Variants in BMPER observed in about 807,000 individuals in gnomAD.
The protein encoded by BMPER is BMP-binding endothelial regulator protein.
BMPER carries 45 observed loss-of-function variants against 87.3 expected under a neutral mutation model. The observed-to-expected ratio is 0.52, with a 90% CI of 0.41 to 0.66. BMPER has a LOEUF of 0.66. Among genes scored for constraint, BMPER ranks in the 30% least tolerant of loss-of-function variants. The pLI, the probability that BMPER is intolerant of heterozygous loss-of-function variation, is 0.00. For missense variants in BMPER, 784 were observed against 867.5 expected (o/e 0.90, Z 1.21); for synonymous variants, 326 against 316.2 (o/e 1.03, Z -0.33).
At chr7:33,940,001 C>G (rs1403915710) in intron 3 of BMPER, 1 of 275,386 alleles carries the variant, frequency 3.6e-6, no homozygotes. Context: ...CTCTTAAATA[C>G]TGGAGACTCC....
chr7:34,056,212 G>C (rs1788280226), intron 9 of BMPER, among the ~76,000 whole-genome samples: 2 of 152,270 alleles, frequency 1.3e-5, no homozygotes, highest in Admixed American at 1.3e-4. Flanking sequence ...CATGGGAGAG[G>C]AACAACACAC....
At chr7:34,049,722 T>C (rs1423874078) in intron 7 of BMPER, among the ~76,000 whole-genome samples, 2 of 152,096 alleles carry the variant, frequency 1.3e-5, no homozygotes, top group African/African-American at 4.8e-5. Flanking sequence ...CACATGTAGA[T>C]AAAGGATAGT....
chr7:34,103,454 T>C (rs1429566234), intron 13 of BMPER, among the ~76,000 whole-genome samples: 1 of 152,166 alleles, frequency 6.6e-6, no homozygotes, highest in Non-Finnish European at 1.5e-5. Flanking sequence ...ACCCCTCTGT[T>C]TTCCAGTTGG....
intron 13 of BMPER, among the ~76,000 whole-genome samples, chr7:34,129,492 C>G (rs1790492143): frequency 6.7e-6 from 1 of 148,270 alleles, no homozygotes; most frequent in Non-Finnish European, 1.5e-5. Flanking sequence ...GAGCTGAGAT[C>G]GTGCCAGTGA....
At chr7:34,018,092 G>A (rs1280094124) in intron 6 of BMPER, among the ~76,000 whole-genome samples, 1 of 151,802 alleles carries the variant, frequency 6.6e-6, no homozygotes, top group Non-Finnish European at 1.5e-5. Context: ...CAAAACCAAT[G>A]TCTGTGAGCT....
At position 34,064,292 on chromosome 7, in the gene BMPER, A is replaced by AG. The variant is rs72327706; in HGVS notation, c.1078+2245_1078+2246insG. Among the ~76,000 whole-genome samples, 924 of 151,630 alleles carry AG rather than the reference A, an allele frequency of 6.1e-3. 3 individuals are homozygous for AG. The highest frequency in any genetic ancestry group is 0.01 in the Middle Eastern group (3 of 294). ...GACAACAGAGCAAGACTCTGTCAAA[A>AG]AAAAAAAAAATTACCAATCTTGTAA... On this transcript the variant is annotated intron_variant, in intron 11 of 14. Coordinates refer to ENST00000649409, the MANE Select transcript of BMPER (RefSeq NM_001365308.1).
At chr7:34,130,357 A>G (rs1211302844) in intron 13 of BMPER, among the ~76,000 whole-genome samples, 1 of 152,082 alleles carries the variant, frequency 6.6e-6, no homozygotes, top group Non-Finnish European at 1.5e-5. Context: ...ACTCTTGTAA[A>G]AGTATTCCTG....
At chr7:34,146,391 C>T (rs866375268) in intron 14 of BMPER, among the ~76,000 whole-genome samples, 2 of 152,100 alleles carry the variant, frequency 1.3e-5, no homozygotes, top group East Asian at 3.9e-4. Context: ...ACTATAGACA[C>T]AATATGTGCC....
At chr7:34,146,099 G>A (rs1168918059) in intron 14 of BMPER, among the ~76,000 whole-genome samples, 1 of 151,972 alleles carries the variant, frequency 6.6e-6, no homozygotes, top group Non-Finnish European at 1.5e-5. Flanking sequence ...CAGACTGACA[G>A]TTGGTACATG....
chr7:33,999,444 T>C (rs1195658436), intron 6 of BMPER, among the ~76,000 whole-genome samples: 1 of 152,258 alleles, frequency 6.6e-6, no homozygotes, highest in Admixed American at 6.5e-5. Flanking sequence ...TATTAGGAAA[T>C]AATTTTTGTA....
chr7:33,913,884 C>A (rs918450796), intron 2 of BMPER, among the ~76,000 whole-genome samples: 1 of 152,076 alleles, frequency 6.6e-6, no homozygotes, highest in African/African-American at 2.4e-5. Flanking sequence ...CCTTACACTG[C>A]TGCGTGATCC....
At chr7:34,044,453 G>A (rs1050907735) in intron 6 of BMPER, among the ~76,000 whole-genome samples, 2 of 152,218 alleles carry the variant, frequency 1.3e-5, no homozygotes, top group Non-Finnish European at 2.9e-5. Flanking sequence ...CAGGATTTTA[G>A]GAAGTTGCTT....
intron 6 of BMPER, among the ~76,000 whole-genome samples, chr7:34,019,967 T>C (rs7806355): frequency 0.071 from 10,537 of 147,910 alleles, 368 homozygotes; most frequent in Middle Eastern, 0.11. Context: ...TTTTTTTTTT[T>C]CCCCAGGCTG....
chr7:34,130,289 T>C (rs1233172319), intron 13 of BMPER, among the ~76,000 whole-genome samples: 1 of 152,138 alleles, frequency 6.6e-6, no homozygotes, highest in African/African-American at 2.4e-5. Flanking sequence ...TGGCCTTTCC[T>C]CATTGCCTCC....
intron 8 of BMPER, among the ~76,000 whole-genome samples, chr7:34,054,913 G>A (rs150451110): frequency 1.1e-4 from 17 of 152,172 alleles, no homozygotes; most frequent in African/African-American, 4.1e-4. Context: ...TCTCTGGAAC[G>A]TGAAATCATA....
At chr7:34,101,390 G>T (rs1252514651) in intron 13 of BMPER, among the ~76,000 whole-genome samples, 1 of 152,326 alleles carries the variant, frequency 6.6e-6, no homozygotes, top group East Asian at 1.9e-4. Context: ...TTCACGGACT[G>T]TCACCTGTGT....
intron 6 of BMPER, among the ~76,000 whole-genome samples, chr7:34,007,331 T>G (rs943515300): frequency 3.3e-5 from 5 of 152,164 alleles, no homozygotes; most frequent in Admixed American, 3.3e-4. Flanking sequence ...TTTAATTTTA[T>G]TTTTTAAGGG....
chr7:33,973,703 TG>T (rs567382773), intron 5 of BMPER, among the ~76,000 whole-genome samples: 5 of 152,360 alleles, frequency 3.3e-5, no homozygotes, highest in Admixed American at 3.3e-4. Flanking sequence ...GACCCTGCTT[TG>T]GCTAAGTTTT....
At chr7:33,973,733 T>C (rs1157006053) in intron 5 of BMPER, among the ~76,000 whole-genome samples, 1 of 152,198 alleles carries the variant, frequency 6.6e-6, no homozygotes, top group Non-Finnish European at 1.5e-5. Context: ...CTAGCTTTGC[T>C]CCCAGCACCG....
Sources: allele counts gnomAD v4.1 joint callset (sites outside exome capture counted in the v4.1 genomes callset), GRCh38; gene constraint gnomAD v4.1.1; transcripts MANE v1.5; gene names NCBI Gene and HGNC (gene_info 2026-07-23, HGNC 2026-07-21).